CPPED1: variants seen among roughly 807,000 people sequenced by gnomAD.
CPPED1 encodes serine/threonine-protein phosphatase CPPED1.
In CPPED1, 28 loss-of-function variants were observed where a neutral mutation model predicts 28.0. That is an observed-to-expected ratio of 1.00 (90% CI 0.74 to 1.37). The LOEUF (loss-of-function observed/expected upper bound fraction) is 1.37, where lower values mean the gene tolerates loss of function less well. Among genes scored for constraint, CPPED1 ranks in the 40% most tolerant of loss-of-function variants. The probability of loss-of-function intolerance (pLI) is 0.00; values close to 1 mark genes in which losing one functional copy is unlikely to be tolerated. For synonymous variants in CPPED1, 198 were observed against 180.2 expected (o/e 1.10, Z -0.79); for missense variants, 504 against 416.5 (o/e 1.21, Z -1.83).
At chr16:12,785,236 A>C (rs1172833611) in intron 1 of CPPED1, among the ~76,000 whole-genome samples, 1 of 152,096 alleles carries the variant, frequency 6.6e-6, no homozygotes, top group African/African-American at 2.4e-5. Context: ...TTACATTATG[A>C]AAGTGAATTG....
At chr16:12,761,703 GACA>G (rs1291135431) in intron 2 of CPPED1, among the ~76,000 whole-genome samples, 1 of 152,146 alleles carries the variant, frequency 6.6e-6, no homozygotes, top group Non-Finnish European at 1.5e-5. Flanking sequence ...TTAATCTTCA[GACA>G]ACATGTTCTG....
intron 1 of CPPED1, among the ~76,000 whole-genome samples, chr16:12,785,160 G>A (rs1439796248): frequency 6.6e-6 from 1 of 152,182 alleles, no homozygotes; most frequent in Non-Finnish European, 1.5e-5. Context: ...AGCTTACAAT[G>A]CTTAATTCTA....
intron 3 of CPPED1, among the ~76,000 whole-genome samples, chr16:12,696,792 A>G (rs2079993396): frequency 6.6e-6 from 1 of 152,004 alleles, no homozygotes; most frequent in Admixed American, 6.6e-5. Flanking sequence ...GGATACACCA[A>G]CTTGACAAGG....
At chr16:12,711,974 C>T (rs116006022) in intron 2 of CPPED1, among the ~76,000 whole-genome samples, 1,992 of 152,220 alleles carry the variant, frequency 0.013, 45 homozygotes, top group African/African-American at 0.045. Flanking sequence ...CAGAGATCTC[C>T]CTCCCATTTT....
At chr16:12,757,168 T>C (rs1380572908) in intron 2 of CPPED1, among the ~76,000 whole-genome samples, 1 of 151,818 alleles carries the variant, frequency 6.6e-6, no homozygotes, top group Non-Finnish European at 1.5e-5. Flanking sequence ...GGTGACCAAC[T>C]AAGTTATAGC....
intron 3 of CPPED1, among the ~76,000 whole-genome samples, chr16:12,681,661 T>C (rs1449248504): frequency 2.0e-5 from 3 of 152,158 alleles, no homozygotes; most frequent in Admixed American, 6.5e-5. Flanking sequence ...CTGTGCATTC[T>C]CGGCTTCATT....
At chr16:12,760,090 G>A (rs943200826) in intron 2 of CPPED1, among the ~76,000 whole-genome samples, 2 of 152,172 alleles carry the variant, frequency 1.3e-5, no homozygotes, top group Non-Finnish European at 2.9e-5. Context: ...AAAAAATTCC[G>A]TGATGTTTCA....
Position 12,739,665 on chromosome 16 carries a change from TTCC to T in CPPED1, c.290-34619_290-34617del, listed in dbSNP as rs2080244218. ...ACGAGTAGGCTAACCTCTCTCTCATTTCCTCCTTTTTCTCCCATTTTTGCCTCT... is the reference window on the plus strand; with the variant it reads ...ACGAGTAGGCTAACCTCTCTCTCATTTCCTTTTTCTCCCATTTTTGCCTCT... On this transcript the variant is annotated intron_variant, in intron 2 of 3. Coordinates refer to ENST00000381774, the MANE Select transcript of CPPED1 (RefSeq NM_018340.3). 2.6e-5 allele frequency among the ~76,000 whole-genome samples: 4 copies of T among 152,164 alleles called. No individual in the cohort carries two copies. In the South Asian group the frequency reaches 8.3e-4, roughly 32 times the overall value.
chr16:12,700,946 G>A (rs1298423543), intron 3 of CPPED1, among the ~76,000 whole-genome samples: 1 of 152,264 alleles, frequency 6.6e-6, no homozygotes, highest in African/African-American at 2.4e-5. Flanking sequence ...TTGAGTGGGA[G>A]GCGGGATGTG....
chr16:12,711,647 T>C (rs1463826861), intron 2 of CPPED1, among the ~76,000 whole-genome samples: 2 of 152,076 alleles, frequency 1.3e-5, no homozygotes, highest in African/African-American at 4.8e-5. Context: ...ACATTCACCA[T>C]CATTCTAATA....
At chr16:12,746,428 A>G (rs1391630889) in intron 2 of CPPED1, among the ~76,000 whole-genome samples, 1 of 152,086 alleles carries the variant, frequency 6.6e-6, no homozygotes, top group Non-Finnish European at 1.5e-5. Flanking sequence ...TTTCCAAAAC[A>G]AAGGTAACAT....
chr16:12,779,019 C>G (rs966033589), intron 2 of CPPED1, among the ~76,000 whole-genome samples: 20 of 152,108 alleles, frequency 1.3e-4, no homozygotes, highest in African/African-American at 4.8e-4. Context: ...TTCAGTGTAT[C>G]TTATTTAAAA....
At chr16:12,780,766 T>C (rs1029014002) in intron 2 of CPPED1, among the ~76,000 whole-genome samples, 1 of 149,444 alleles carries the variant, frequency 6.7e-6, no homozygotes, top group African/African-American at 2.5e-5. Context: ...CTGTTTTAAG[T>C]TGGATTTCTG....
intron 1 of CPPED1, among the ~76,000 whole-genome samples, chr16:12,788,616 T>C (rs2141243247): frequency 6.6e-6 from 1 of 152,196 alleles, no homozygotes; most frequent in African/African-American, 2.4e-5. Flanking sequence ...ATGCCTCAAG[T>C]TCAAGGTCAC....
At chr16:12,763,687 A>T (rs1211605026) in intron 2 of CPPED1, among the ~76,000 whole-genome samples, 1 of 152,192 alleles carries the variant, frequency 6.6e-6, no homozygotes, top group Non-Finnish European at 1.5e-5. Flanking sequence ...TTTGGCCAGG[A>T]AACAAGAGAG....
At chr16:12,727,603 C>A (rs1435801548) in intron 2 of CPPED1, among the ~76,000 whole-genome samples, 1 of 152,110 alleles carries the variant, frequency 6.6e-6, no homozygotes, top group Non-Finnish European at 1.5e-5. Context: ...CACACTTTGG[C>A]CTCCCAAAGT....
chr16:12,681,943 C>T (rs911627015), intron 3 of CPPED1, among the ~76,000 whole-genome samples: 2 of 152,154 alleles, frequency 1.3e-5, no homozygotes, highest in African/African-American at 4.8e-5. Flanking sequence ...CCACTTGAGT[C>T]CACAGCCTTG....
intron 3 of CPPED1, among the ~76,000 whole-genome samples, chr16:12,694,834 G>C (rs1487429903): frequency 6.6e-6 from 1 of 151,212 alleles, no homozygotes; most frequent in Admixed American, 6.6e-5. Context: ...CTAGAGTGCA[G>C]TGGCACGATC....
intron 1 of CPPED1, among the ~76,000 whole-genome samples, chr16:12,792,080 C>A (rs1290008106): frequency 6.6e-6 from 1 of 152,000 alleles, no homozygotes; most frequent in Non-Finnish European, 1.5e-5. Flanking sequence ...GCCTCCTGAA[C>A]AACTGAGATT....
Sources: allele counts gnomAD v4.1 joint callset (sites outside exome capture counted in the v4.1 genomes callset), GRCh38; gene constraint gnomAD v4.1.1; transcripts MANE v1.5; gene names NCBI Gene and HGNC (gene_info 2026-07-23, HGNC 2026-07-21).